Variants in CNTNAP2 observed in about 807,000 individuals in gnomAD.
CNTNAP2 encodes contactin associated protein 2, also known as contactin-associated protein-like 2.
Under a neutral mutation model 155.2 loss-of-function variants are expected in CNTNAP2, and 98 were observed. That is an observed-to-expected ratio of 0.63 (90% CI 0.54 to 0.75). CNTNAP2 has a LOEUF of 0.75. Ranked by LOEUF, CNTNAP2 falls within the 30% of genes least tolerant of loss-of-function variation. CNTNAP2 has a pLI of 0.00. For missense variants in CNTNAP2, 1,727 were observed against 1,688.1 expected, an observed-to-expected ratio of 1.02 and a Z score of -0.40; for synonymous variants, 651 against 631.2, an observed-to-expected ratio of 1.03 and a Z score of -0.47.
At chr7:146,769,209 G>T (rs1050609156) in intron 1 of CNTNAP2, among the ~76,000 whole-genome samples, 3 of 152,228 alleles carry the variant, frequency 2.0e-5, no homozygotes. Flanking sequence ...GTGTATGGCT[G>T]TAGTTTTGGA....
intron 3 of CNTNAP2, among the ~76,000 whole-genome samples, chr7:146,902,633 G>T (rs1404158635): frequency 6.6e-6 from 1 of 152,136 alleles, no homozygotes; most frequent in Non-Finnish European, 1.5e-5. Flanking sequence ...AACTTCCCTT[G>T]CAAACTTCCA....
At chr7:146,246,664 A>G (rs1319679461) in intron 1 of CNTNAP2, among the ~76,000 whole-genome samples, 1 of 150,830 alleles carries the variant, frequency 6.6e-6, no homozygotes, top group East Asian at 1.9e-4. Context: ...CTAAGCCAAG[A>G]AGATCTGGGA....
At chr7:148,223,253 T>G (rs533641276) in intron 19 of CNTNAP2, among the ~76,000 whole-genome samples, 1 of 152,282 alleles carries the variant, frequency 6.6e-6, no homozygotes, top group South Asian at 2.1e-4. Flanking sequence ...TGCTTTAAAC[T>G]CCTATTCCAC....
At chr7:146,524,306 G>A (rs1797657043) in intron 1 of CNTNAP2, among the ~76,000 whole-genome samples, 1 of 152,072 alleles carries the variant, frequency 6.6e-6, no homozygotes, top group Non-Finnish European at 1.5e-5. Context: ...TTAGAAATGG[G>A]TGAGAGACAT....
rs919475128 is a variant in CNTNAP2, at chr7:146,493,039, C to A, written c.98-281232C>A. 3.9e-5 allele frequency among the ~76,000 whole-genome samples: 6 copies of A among 152,200 alleles called. No homozygotes were observed. In the East Asian group the frequency reaches 1.2e-3, roughly 29 times the overall value. ...TTTAAGGATAAGTCTATAATCCAGG[C>A]AGACATATCTAAATAATAACCCTTG... On this transcript the variant is annotated intron_variant, in intron 1 of 23. Transcript: ENST00000361727.
chr7:148,300,576 G>GAAAAAAAAAAAAAAAAA (rs71188963), intron 21 of CNTNAP2, among the ~76,000 whole-genome samples: 1 of 126,576 alleles, frequency 7.9e-6, no homozygotes. Context: ...GGCTAAGCAG[G>GAAAAAAAAAAAAAAAAA]AAAAAAAAAA....
intron 3 of CNTNAP2, among the ~76,000 whole-genome samples, chr7:146,924,563 G>T (rs1796567354): frequency 6.6e-6 from 1 of 152,042 alleles, no homozygotes; most frequent in South Asian, 2.1e-4. Context: ...CATCACACTT[G>T]TCTTGAAAGA....
chr7:147,168,517 G>T (rs1220593849), intron 8 of CNTNAP2, among the ~76,000 whole-genome samples: 1 of 151,918 alleles, frequency 6.6e-6, no homozygotes, highest in African/African-American at 2.4e-5. Flanking sequence ...TCTGATAAAG[G>T]TTAGGTTTGA....
At chr7:147,305,348 T>C (rs1795009243) in intron 9 of CNTNAP2, among the ~76,000 whole-genome samples, 1 of 152,172 alleles carries the variant, frequency 6.6e-6, no homozygotes, top group Non-Finnish European at 1.5e-5. Context: ...CCTTAGCTAT[T>C]TATTATAGGA....
At chr7:147,044,104 T>C (rs765586655) in intron 4 of CNTNAP2, 50 bp downstream of exon 4, 8 of 1,600,456 alleles carry the variant, frequency 5.0e-6, no homozygotes, top group Middle Eastern at 1.7e-4. Context: ...TTTATTTAAA[T>C]AGTAAGCTGT....
chr7:147,110,604 TTA>T (rs1800855696), intron 5 of CNTNAP2, among the ~76,000 whole-genome samples: 4 of 152,158 alleles, frequency 2.6e-5, no homozygotes, highest in Admixed American at 6.5e-5. Context: ...CAGTTCTCAC[TTA>T]TAAGTGAGAA....
At chr7:147,453,832 A>G (rs928372278) in intron 10 of CNTNAP2, among the ~76,000 whole-genome samples, 4 of 152,192 alleles carry the variant, frequency 2.6e-5, no homozygotes, top group Non-Finnish European at 4.4e-5. Context: ...GTATTTTTAA[A>G]TGATAAGTGG....
intron 8 of CNTNAP2, among the ~76,000 whole-genome samples, chr7:147,195,297 A>T (rs1411396502): frequency 6.6e-6 from 1 of 152,150 alleles, no homozygotes; most frequent in Non-Finnish European, 1.5e-5. Flanking sequence ...TTTTGGTACC[A>T]GTACCATGCT....
chr7:148,010,472 T>C (rs1802058190), intron 15 of CNTNAP2, among the ~76,000 whole-genome samples: 4 of 151,914 alleles, frequency 2.6e-5, no homozygotes. Context: ...ATGTCTTTTT[T>C]CTTTTAAAAG....
intron 3 of CNTNAP2, among the ~76,000 whole-genome samples, chr7:146,966,689 T>C (rs1428714431): frequency 6.6e-6 from 1 of 152,170 alleles, no homozygotes; most frequent in East Asian, 1.9e-4. Context: ...AGCATCCAAT[T>C]CACAATGCAA....
At chr7:148,102,533 A>G (rs1286489498) in intron 15 of CNTNAP2, among the ~76,000 whole-genome samples, 1 of 152,232 alleles carries the variant, frequency 6.6e-6, no homozygotes, top group African/African-American at 2.4e-5. Flanking sequence ...CAATTTTACA[A>G]CTTGAAATAT....
chr7:147,433,808 T>C (rs1797504026), intron 10 of CNTNAP2, among the ~76,000 whole-genome samples: 1 of 152,160 alleles, frequency 6.6e-6, no homozygotes, highest in African/African-American at 2.4e-5. Context: ...AATATCAAAA[T>C]CGAAAAGGAA....
intron 1 of CNTNAP2, among the ~76,000 whole-genome samples, chr7:146,435,578 T>A (rs149153135): frequency 2.1e-4 from 32 of 152,296 alleles, no homozygotes; most frequent in African/African-American, 7.5e-4. Flanking sequence ...CAGTTCCTTG[T>A]ACATAAAGGG....
At chr7:146,649,564 G>A (rs1799870693) in intron 1 of CNTNAP2, among the ~76,000 whole-genome samples, 1 of 151,998 alleles carries the variant, frequency 6.6e-6, no homozygotes, top group African/African-American at 2.4e-5. Context: ...CAAAATAAAT[G>A]GAGGAAACTG....
Sources: gnomAD v4.1 joint callset for allele counts (sites outside exome capture counted in the v4.1 genomes callset) on GRCh38, gnomAD v4.1.1 for gene constraint, MANE v1.5 for transcripts, NCBI Gene and HGNC (gene_info 2026-07-23, HGNC 2026-07-21) for gene names.